Variants in BAZ2B observed in about 807,000 individuals in gnomAD.
BAZ2B encodes bromodomain adjacent to zinc finger domain protein 2B.
Under a neutral mutation model 246.0 loss-of-function variants are expected in BAZ2B, and 91 were observed. The observed-to-expected ratio is 0.37, with a 90% CI of 0.31 to 0.44. BAZ2B has a LOEUF of 0.44. BAZ2B is among the 20% of genes least tolerant of loss of function. The probability of loss-of-function intolerance (pLI) is 1.00; values close to 1 mark genes in which losing one functional copy is unlikely to be tolerated. For missense variants in BAZ2B, 2,332 were observed against 2,533.7 expected (o/e 0.92, Z 1.71); for synonymous variants, 855 against 860.0 (o/e 0.99, Z 0.10).
the BAZ2B span, among the ~76,000 whole-genome samples, chr2:159,636,763 C>A: frequency 1.3e-5 from 2 of 152,124 alleles, no homozygotes; most frequent in Non-Finnish European, 2.9e-5. Context: ...GGCAATCCAG[C>A]TTGTAGCAAT....
At chr2:159,502,093 A>G (rs1176562773) in intron 2 of BAZ2B, among the ~76,000 whole-genome samples, 1 of 152,192 alleles carries the variant, frequency 6.6e-6, no homozygotes, top group African/African-American at 2.4e-5. Flanking sequence ...ACATGATTCC[A>G]TTTAAATGAA....
In BAZ2B at chr2:159,400,598, C is replaced by T. The variant is rs1407995331; in HGVS notation, c.2898+1G>A. The T allele has an allele frequency of 3.2e-6, 5 of 1,540,356 alleles. No individual in the cohort carries two copies. Among genetic ancestry groups the T allele is most frequent in the Non-Finnish European group, 4.5e-6 (5 of 1,122,364 alleles). On this transcript the variant is annotated splice_donor_variant, in intron 17 of 36. Coordinates refer to ENST00000392783, the MANE Select transcript of BAZ2B (RefSeq NM_013450.4). LOFTEE classifies it high-confidence loss of function. ...AATTATATTAAATTTAAGACTTCTA[C>T]CTCTAGAATTTGCTGAGCTCGAAGT... is the stretch of plus-strand genomic sequence containing the variant.
At chr2:159,430,762 T>C in intron 10 of BAZ2B, 101 bp downstream of exon 10, 1 of 1,497,322 alleles carries the variant, frequency 6.7e-7, no homozygotes, top group East Asian at 2.3e-5. Context: ...CTAACTTTAA[T>C]CTTGATTCCA....
the BAZ2B span, among the ~76,000 whole-genome samples, chr2:159,659,507 A>G: frequency 1.3e-5 from 2 of 152,182 alleles, no homozygotes; most frequent in Non-Finnish European, 2.9e-5. Context: ...GGTTAACAAA[A>G]CTGGGGGTTT....
At chr2:159,353,184 T>G (rs1025087240) in intron 27 of BAZ2B, among the ~76,000 whole-genome samples, 23 of 152,230 alleles carry the variant, frequency 1.5e-4, no homozygotes, top group African/African-American at 4.8e-4. Context: ...ATGTTTGACA[T>G]AGCCCTCATA....
At chr2:159,549,001 C>G (rs186114491) in intron 2 of BAZ2B, among the ~76,000 whole-genome samples, 2 of 152,246 alleles carry the variant, frequency 1.3e-5, no homozygotes, top group East Asian at 3.9e-4. Context: ...AAACTAAGGC[C>G]GGGCGCGGTG....
At position 159,431,276 on chromosome 2, in the gene BAZ2B, T is replaced by G. The variant is rs560810846; in HGVS notation, c.1901-120A>C. ...TGTGAATGAGAACTCAAATGAGCAA[T>G]TTTCCTACAGAGTAAATGTTATAAG... On this transcript the variant is annotated intron_variant, in intron 9 of 36. Coordinates refer to ENST00000392783, the MANE Select transcript of BAZ2B (RefSeq NM_013450.4). The G allele has an allele frequency of 1.1e-5, 15 of 1,366,434 alleles. No individual in the cohort carries two copies. In the East Asian group the frequency reaches 2.9e-4, roughly 27 times the overall value. The allele number at this position is 1,366,434 out of a possible 1,614,324, so 84.6% of individuals were successfully genotyped here.
chr2:159,409,445 C>CT (rs2066478441), intron 14 of BAZ2B, among the ~76,000 whole-genome samples: 1 of 152,128 alleles, frequency 6.6e-6, no homozygotes, highest in South Asian at 2.1e-4. Context: ...GAATGAAAGT[C>CT]TTTATCATAT....
intron 23 of BAZ2B, among the ~76,000 whole-genome samples, chr2:159,384,231 T>C (rs890391977): frequency 3.9e-5 from 6 of 152,044 alleles, no homozygotes; most frequent in Non-Finnish European, 7.4e-5. Context: ...TTACATTGAA[T>C]TTGGGTGTAT....
chr2:159,418,240 A>G (rs2068109223), intron 13 of BAZ2B, among the ~76,000 whole-genome samples: 2 of 152,212 alleles, frequency 1.3e-5, no homozygotes, highest in African/African-American at 2.4e-5. Context: ...ATTTCTTTTT[A>G]GTGAGTTCTT....
chr2:159,333,491 A>G (rs935304461), intron 33 of BAZ2B, among the ~76,000 whole-genome samples: 11 of 152,284 alleles, frequency 7.2e-5, no homozygotes, highest in African/African-American at 2.6e-4. Flanking sequence ...TACAAAGGAA[A>G]GAAGAAAAGT....
At chr2:159,470,815 C>T (rs2077692234) in intron 3 of BAZ2B, among the ~76,000 whole-genome samples, 1 of 151,948 alleles carries the variant, frequency 6.6e-6, no homozygotes, top group Non-Finnish European at 1.5e-5. Context: ...GGGAGAAAAC[C>T]AAAAGTTTGT....
the BAZ2B span, among the ~76,000 whole-genome samples, chr2:159,623,163 A>G: frequency 1.4e-5 from 2 of 147,238 alleles, no homozygotes; most frequent in Non-Finnish European, 3.0e-5. Flanking sequence ...AGGAGGGAGG[A>G]GGGAAGGAGG....
At chr2:159,479,104 A>G (rs2078960248) in intron 2 of BAZ2B, among the ~76,000 whole-genome samples, 1 of 152,158 alleles carries the variant, frequency 6.6e-6, no homozygotes, top group South Asian at 2.1e-4. Flanking sequence ...TTAAAAAAAA[A>G]CACCACCACA....
At chr2:159,579,536 A>G (rs1686206737) in intron 1 of BAZ2B, among the ~76,000 whole-genome samples, 1 of 152,182 alleles carries the variant, frequency 6.6e-6, no homozygotes, top group African/African-American at 2.4e-5. Flanking sequence ...AACTATTCCA[A>G]TCAATAGAAA....
At chr2:159,687,041 C>CA in the BAZ2B span, among the ~76,000 whole-genome samples, 65,052 of 109,392 alleles carry the variant, frequency 0.59, 20,490 homozygotes, top group Admixed American at 0.72. Flanking sequence ...GACTCCATCT[C>CA]AAAAAAAAAA....
chr2:159,646,008 A>G, the BAZ2B span, among the ~76,000 whole-genome samples: 2 of 152,230 alleles, frequency 1.3e-5, no homozygotes, highest in Admixed American at 1.3e-4. Context: ...ACATCTTACC[A>G]GGAGACAAGG....
At chr2:159,441,213 A>G (rs537368596) in intron 6 of BAZ2B, among the ~76,000 whole-genome samples, 1 of 152,228 alleles carries the variant, frequency 6.6e-6, no homozygotes, top group Non-Finnish European at 1.5e-5. Flanking sequence ...GTGATTTAGC[A>G]GAGAAAAATT....
At chr2:159,610,598 T>C (rs1342415741) in intron 1 of BAZ2B, among the ~76,000 whole-genome samples, 2 of 152,344 alleles carry the variant, frequency 1.3e-5, no homozygotes. Flanking sequence ...TTATATACCA[T>C]GCACACATGT....
Sources: gnomAD v4.1 joint callset for allele counts (sites outside exome capture counted in the v4.1 genomes callset) on GRCh38, gnomAD v4.1.1 for gene constraint, MANE v1.5 for transcripts, NCBI Gene and HGNC (gene_info 2026-07-23, HGNC 2026-07-21) for gene names.